Variants in TPD52 observed in about 807,000 individuals in gnomAD.
TPD52 encodes the protein prostate and colon associated protein.
In TPD52, 17 loss-of-function variants were observed where a neutral mutation model predicts 31.3. The observed-to-expected ratio is 0.54, with a 90% confidence interval of 0.37 to 0.82. The LOEUF is 0.82. Ranked by LOEUF, TPD52 falls within the 40% of genes least tolerant of loss-of-function variation. The pLI, the probability that TPD52 is intolerant of heterozygous loss-of-function variation, is 0.00. For synonymous variants in TPD52, 83 were observed against 89.6 expected, an observed-to-expected ratio of 0.93 and a Z score of 0.42; for missense variants, 212 against 240.1, an observed-to-expected ratio of 0.88 and a Z score of 0.77.
At chr8:80,068,892 C>T (rs1349221634) in intron 1 of TPD52, among the ~76,000 whole-genome samples, 1 of 152,206 alleles carries the variant, frequency 6.6e-6, no homozygotes, top group Non-Finnish European at 1.5e-5. Flanking sequence ...ATGGTTATCA[C>T]CTGCAAACAT....
intron 1 of TPD52, among the ~76,000 whole-genome samples, chr8:80,145,542 T>C (rs755656191): frequency 3.3e-5 from 5 of 152,192 alleles, no homozygotes; most frequent in Non-Finnish European, 7.3e-5. Context: ...GGAATGGGAA[T>C]GGGTGACTGT....
chr8:80,056,084 A>AC (rs1366926260), intron 2 of TPD52, among the ~76,000 whole-genome samples: 2 of 152,158 alleles, frequency 1.3e-5, no homozygotes, highest in Non-Finnish European at 2.9e-5. Flanking sequence ...GGGTACCTAC[A>AC]CCCCCACGTT....
intron 1 of TPD52, among the ~76,000 whole-genome samples, chr8:80,098,254 C>T (rs983350967): frequency 6.6e-6 from 1 of 152,180 alleles, no homozygotes; most frequent in Non-Finnish European, 1.5e-5. Flanking sequence ...ATGAGTAATT[C>T]CTATTTTCAA....
chr8:80,092,727 A>G (rs939454430), intron 1 of TPD52, among the ~76,000 whole-genome samples: 5 of 151,368 alleles, frequency 3.3e-5, no homozygotes, highest in African/African-American at 1.2e-4. Flanking sequence ...GATCTCGTGA[A>G]GAGAGAGTAA....
At chr8:80,072,317 A>ATATGTGTGCG (rs1554582865) in intron 1 of TPD52, among the ~76,000 whole-genome samples, 7 of 121,352 alleles carry the variant, frequency 5.8e-5, no homozygotes, top group African/African-American at 2.2e-4. Context: ...AAAAACATAT[A>ATATGTGTGCG]TGTGTGTGTG....
intron 1 of TPD52, chr8:80,158,816 CGCCTGT>C (rs1255953583): frequency 2.0e-5 from 3 of 148,978 alleles, no homozygotes; most frequent in Non-Finnish European, 4.5e-5. Flanking sequence ...TAGTGGCGGG[CGCCTGT>C]AGTCCCAGCT....
At chr8:80,099,164 C>T (rs1262609520) in intron 1 of TPD52, among the ~76,000 whole-genome samples, 1 of 152,060 alleles carries the variant, frequency 6.6e-6, no homozygotes, top group Non-Finnish European at 1.5e-5. Flanking sequence ...GTGTGAGTCG[C>T]TTTATTGCTA....
intron 1 of TPD52, among the ~76,000 whole-genome samples, chr8:80,103,998 C>T (rs935827345): frequency 1.3e-5 from 2 of 152,190 alleles, no homozygotes; most frequent in African/African-American, 4.8e-5. Flanking sequence ...AAGGCCACTG[C>T]GCCCAGCCAA....
intron 1 of TPD52, among the ~76,000 whole-genome samples, chr8:80,094,441 T>TATATATAC (rs1479269658): frequency 1.2e-3 from 39 of 33,350 alleles, no homozygotes; most frequent in East Asian, 8.4e-3. Context: ...TATATATATA[T>TATATATAC]ATATATATAT....
At chr8:80,080,535 T>C (rs1021484663) in intron 1 of TPD52, 5 of 1,547,364 alleles carry the variant, frequency 3.2e-6, no homozygotes, top group Non-Finnish European at 4.4e-6. Flanking sequence ...ATATTCCCTT[T>C]GTAGGGTGCA....
intron 1 of TPD52, among the ~76,000 whole-genome samples, chr8:80,069,359 A>G (rs1563594104): frequency 6.6e-6 from 1 of 152,118 alleles, no homozygotes; most frequent in African/African-American, 2.4e-5. Context: ...CCAGCTACTC[A>G]GGAGGCTGTG....
chr8:80,059,787 G>A (rs1812310148), intron 2 of TPD52, among the ~76,000 whole-genome samples: 1 of 152,158 alleles, frequency 6.6e-6, no homozygotes, highest in Admixed American at 6.5e-5. Context: ...CTGGGAGGCA[G>A]AGGTTGCAGT....
At chr8:80,126,864 C>T (rs1808648855) in intron 1 of TPD52, among the ~76,000 whole-genome samples, 1 of 152,060 alleles carries the variant, frequency 6.6e-6, no homozygotes, top group Non-Finnish European at 1.5e-5. Context: ...ATGGCTCATA[C>T]CTTTAACCCA....
At position 80,064,524 on chromosome 8, in the gene TPD52, G is replaced by T. The variant is rs1586199613; in HGVS notation, c.89C>A (p.Thr30Asn). The T allele has an allele frequency of 1.2e-6, 2 of 1,614,152 alleles. No homozygotes were observed. The highest frequency in any genetic ancestry group is 1.3e-5 in the African/African-American group (1 of 75,040). ...DVAATISATETLSEEEQEELR... is the reference protein window; with the variant it reads ...DVAATISATENLSEEEQEELR... Reference sequence around the variant, plus strand: ...CTCTTCCTGCTCCTCTTCCGAGAGGGTCTCTGTGGCACTGATCGTGGCAGC... The same window carrying T: ...CTCTTCCTGCTCCTCTTCCGAGAGGTTCTCTGTGGCACTGATCGTGGCAGC... The change falls in exon 2 of 8, where the codon ACC becomes AAC. Residue 30 changes from threonine to asparagine, a missense_variant. Coordinates refer to ENST00000518937, the MANE Select transcript of TPD52 (RefSeq NM_001025253.3).
chr8:80,129,485 T>G (rs770168468), intron 1 of TPD52, among the ~76,000 whole-genome samples: 3 of 152,208 alleles, frequency 2.0e-5, no homozygotes, highest in Middle Eastern at 3.2e-3. Context: ...GCTGGCCGGA[T>G]AGCAACGTCA....
intron 1 of TPD52, among the ~76,000 whole-genome samples, chr8:80,124,651 G>C (rs1369146411): frequency 6.6e-6 from 1 of 152,226 alleles, no homozygotes; most frequent in East Asian, 1.9e-4. Flanking sequence ...ATATATGCTA[G>C]CTGTATGTTT....
chr8:80,032,043 C>G (rs953399290), downstream of TPD52, among the ~76,000 whole-genome samples: 2 of 151,330 alleles, frequency 1.3e-5, no homozygotes, highest in African/African-American at 4.9e-5. Context: ...ATCCCATCCA[C>G]TCAGGAGGCT....
chr8:80,135,048 G>C (rs1383063815), intron 1 of TPD52, among the ~76,000 whole-genome samples: 3 of 152,292 alleles, frequency 2.0e-5, no homozygotes, highest in Middle Eastern at 3.4e-3. Flanking sequence ...ACGTACGCAA[G>C]TGCAGATGCT....
At chr8:80,126,550 C>T (rs995817692) in intron 1 of TPD52, among the ~76,000 whole-genome samples, 1 of 140,608 alleles carries the variant, frequency 7.1e-6, no homozygotes, top group African/African-American at 2.7e-5. Context: ...GGTGCAATTT[C>T]GGCTCACTGC....
Sources: gnomAD v4.1 joint callset for allele counts (sites outside exome capture counted in the v4.1 genomes callset) on GRCh38, gnomAD v4.1.1 for gene constraint, MANE v1.5 for transcripts, NCBI Gene and HGNC (gene_info 2026-07-23, HGNC 2026-07-21) for gene names.